ZNF804A: variants seen among roughly 807,000 people sequenced by gnomAD.
ZNF804A encodes zinc finger protein 804A.
A neutral mutation model predicts 16.5 loss-of-function variants in ZNF804A; 2 were observed. The observed-to-expected ratio is 0.12, with a 90% CI of 0.05 to 0.38. The LOEUF is 0.38. Among genes scored for constraint, ZNF804A ranks in the 10% least tolerant of loss-of-function variants. ZNF804A has a pLI of 0.99. For missense variants in ZNF804A, 1,473 were observed against 1,390.7 expected (o/e 1.06, Z -0.94); for synonymous variants, 534 against 489.6 (o/e 1.09, Z -1.20).
intron 2 of ZNF804A, among the ~76,000 whole-genome samples, chr2:184,894,096 A>G (rs1685029717): frequency 6.6e-6 from 1 of 152,146 alleles, no homozygotes; most frequent in South Asian, 2.1e-4. Context: ...TTACAAGAAG[A>G]TCATGTTTTG....
intron 1 of ZNF804A, among the ~76,000 whole-genome samples, chr2:184,641,852 T>A (rs1388516155): frequency 6.6e-6 from 1 of 152,194 alleles, no homozygotes; most frequent in Non-Finnish European, 1.5e-5. Flanking sequence ...CTTGCCTTTG[T>A]TGACTATCTG....
intron 1 of ZNF804A, among the ~76,000 whole-genome samples, chr2:184,634,089 T>C (rs1261446475): frequency 6.6e-6 from 1 of 152,196 alleles, no homozygotes; most frequent in Admixed American, 6.5e-5. Flanking sequence ...AAAACTGATA[T>C]TCCCAGGTTC....
chr2:184,823,527 G>T (rs780732256), intron 1 of ZNF804A, among the ~76,000 whole-genome samples: 1 of 152,066 alleles, frequency 6.6e-6, no homozygotes, highest in South Asian at 2.1e-4. Context: ...CCAAAGGGAT[G>T]ACATTAGTCT....
At chr2:184,711,484 T>C (rs1043900260) in intron 1 of ZNF804A, among the ~76,000 whole-genome samples, 1 of 151,862 alleles carries the variant, frequency 6.6e-6, no homozygotes, top group African/African-American at 2.4e-5. Context: ...GTTGTTTCCT[T>C]TGCTGTGCAG....
Position 184,813,993 on chromosome 2 carries a change from C to CTTTTTTTTTTTT in ZNF804A, c.112-52359_112-52348dup, listed in dbSNP as rs1163432699. ...TTTAGGGCATGTTTGAGAAAGGCAG[C>CTTTTTTTTTTTT]TTTTTTTTTTTTTTTTTTTTTTTTT... On this transcript the variant is annotated intron_variant, in intron 1 of 3. Coordinates refer to ENST00000302277, the MANE Select transcript of ZNF804A (RefSeq NM_194250.2). Among the ~76,000 whole-genome samples, 4 of 49,196 alleles carry CTTTTTTTTTTTT rather than the reference C, an allele frequency of 8.1e-5. 2 individuals are homozygous for CTTTTTTTTTTTT. Among genetic ancestry groups the CTTTTTTTTTTTT allele is most frequent in the Non-Finnish European group, 1.5e-4 (4 of 26,996 alleles). 32.3% of individuals were successfully genotyped at this position (49,196 alleles called of 152,430 possible). A position where few individuals can be genotyped will look rare whatever the true frequency, so the allele number is the denominator to read the frequency against.
intron 2 of ZNF804A, among the ~76,000 whole-genome samples, chr2:184,891,939 A>G (rs1684989440): frequency 6.6e-6 from 1 of 152,198 alleles, no homozygotes; most frequent in African/African-American, 2.4e-5. Flanking sequence ...CAATATTTCT[A>G]GAAAAACCAA....
In ZNF804A at chr2:184,929,216, G is replaced by A. The variant is rs1440735088; in HGVS notation, c.256-4387G>A. Among the ~76,000 whole-genome samples, 85 of 152,046 alleles carry A rather than the reference G, an allele frequency of 5.6e-4. 1 individual carries two copies. Among genetic ancestry groups the A allele is most frequent in the Non-Finnish European group, 1.0e-4 (7 of 68,012 alleles). ...GTCACTTATATTACAAATAACAACA[G>A]TATTGGCATTTAATAATTGACTGAC... On this transcript the variant is annotated intron_variant, in intron 2 of 3. Coordinates refer to ENST00000302277, the MANE Select transcript of ZNF804A (RefSeq NM_194250.2).
intron 1 of ZNF804A, among the ~76,000 whole-genome samples, chr2:184,825,466 T>C (rs1695148712): frequency 6.6e-6 from 1 of 152,098 alleles, no homozygotes; most frequent in Admixed American, 6.6e-5. Flanking sequence ...GAGACAGATA[T>C]AACTCAAATA....
At chr2:184,918,430 T>A (rs1574270394) in intron 2 of ZNF804A, among the ~76,000 whole-genome samples, 1 of 151,952 alleles carries the variant, frequency 6.6e-6, no homozygotes, top group Non-Finnish European at 1.5e-5. Flanking sequence ...TAATAGGGAG[T>A]GTGCCTGTCC....
At chr2:184,738,980 A>C (rs1217079209) in intron 1 of ZNF804A, among the ~76,000 whole-genome samples, 1 of 152,228 alleles carries the variant, frequency 6.6e-6, no homozygotes, top group Non-Finnish European at 1.5e-5. Flanking sequence ...CATTTATGAT[A>C]ATTAGCAAAT....
chr2:184,770,224 T>C (rs1408395996), intron 1 of ZNF804A, among the ~76,000 whole-genome samples: 4 of 152,088 alleles, frequency 2.6e-5, no homozygotes, highest in African/African-American at 9.7e-5. Context: ...TAACAAATTG[T>C]GTGTGAGTTT....
chr2:184,880,094 T>C (rs1216524134), intron 2 of ZNF804A, among the ~76,000 whole-genome samples: 1 of 152,094 alleles, frequency 6.6e-6, no homozygotes, highest in East Asian at 1.9e-4. Flanking sequence ...TGTTAAAATT[T>C]ATTGATCATA....
At chr2:184,727,734 C>G (rs1313792748) in intron 1 of ZNF804A, among the ~76,000 whole-genome samples, 1 of 151,620 alleles carries the variant, frequency 6.6e-6, no homozygotes, top group Non-Finnish European at 1.5e-5. Flanking sequence ...AGGGGATACT[C>G]ACATGCCAAA....
In ZNF804A at chr2:184,688,068, G is replaced by A. The variant is rs545242655; in HGVS notation, c.111+88998G>A. Among the ~76,000 whole-genome samples the A allele has an allele frequency of 3.0e-4, 46 of 152,248 alleles. 1 individual carries two copies. The highest frequency in any genetic ancestry group is 6.8e-3 in the Middle Eastern group (2 of 292). On this transcript the variant is annotated intron_variant, in intron 1 of 3. Transcript: ENST00000302277. Reference sequence around the variant, plus strand: ...CGGGAGGCAGAGGTTGCAGTGAGCCGAAATCGTACCACTGCACTGCAGCCT... The same window carrying A: ...CGGGAGGCAGAGGTTGCAGTGAGCCAAAATCGTACCACTGCACTGCAGCCT...
chr2:184,601,756 T>C (rs1027360684), intron 1 of ZNF804A, among the ~76,000 whole-genome samples: 6 of 151,948 alleles, frequency 3.9e-5, no homozygotes, highest in African/African-American at 1.4e-4. Context: ...TTTTTTTTCT[T>C]ACTTCGGGGA....
intron 1 of ZNF804A, among the ~76,000 whole-genome samples, chr2:184,809,740 G>A (rs1035184135): frequency 2.0e-5 from 3 of 151,814 alleles, no homozygotes; most frequent in Non-Finnish European, 2.9e-5. Context: ...GTCTATATAT[G>A]CGTGTATGAA....
At position 184,675,653 on chromosome 2, in the gene ZNF804A, G is replaced by A. The variant is rs535854915; in HGVS notation, c.111+76583G>A. 2.0e-5 allele frequency among the ~76,000 whole-genome samples: 3 copies of A among 151,722 alleles called. No individual in the cohort carries two copies. The East Asian group carries it at 5.8e-4, about 29-fold the overall frequency. On this transcript the variant is annotated intron_variant, in intron 1 of 3. Transcript: ENST00000302277. ...ATTCTCACAATAACGCTATTAAATAGATACTTTTTAAATTTTCATTTTGTG... is the reference window on the plus strand; with the variant it reads ...ATTCTCACAATAACGCTATTAAATAAATACTTTTTAAATTTTCATTTTGTG...
At chr2:184,897,545 G>T (rs1332459604) in intron 2 of ZNF804A, among the ~76,000 whole-genome samples, 1 of 151,606 alleles carries the variant, frequency 6.6e-6, no homozygotes, top group East Asian at 1.9e-4. Context: ...AATAAGTAAA[G>T]TATTATGATC....
At chr2:184,694,608 A>T (rs1309948321) in intron 1 of ZNF804A, among the ~76,000 whole-genome samples, 1 of 152,200 alleles carries the variant, frequency 6.6e-6, no homozygotes, top group Non-Finnish European at 1.5e-5. Context: ...TAGAAGCAGA[A>T]CCTGAGACAA....
Sources: gnomAD v4.1 joint callset for allele counts (sites outside exome capture counted in the v4.1 genomes callset) on GRCh38, gnomAD v4.1.1 for gene constraint, MANE v1.5 for transcripts, NCBI Gene and HGNC (gene_info 2026-07-23, HGNC 2026-07-21) for gene names.